ATP8A2: variants seen among roughly 807,000 people sequenced by gnomAD.
ATP8A2 encodes the protein ATPase phospholipid transporting 8A2.
ATP8A2 carries 100 observed loss-of-function variants against 165.6 expected under a neutral mutation model. The observed-to-expected ratio is 0.60, with a 90% CI of 0.51 to 0.71. The LOEUF is 0.71. Among genes scored for constraint, ATP8A2 ranks in the 30% least tolerant of loss-of-function variants. The probability of loss-of-function intolerance (pLI) is 0.00; values close to 1 mark genes in which losing one functional copy is unlikely to be tolerated. For missense variants in ATP8A2, 1,227 were observed against 1,479.5 expected, an observed-to-expected ratio of 0.83 and a Z score of 2.80; for synonymous variants, 543 against 548.8, an observed-to-expected ratio of 0.99 and a Z score of 0.15.
At chr13:26,012,909 C>T (rs991777066) in intron 36 of ATP8A2, among the ~76,000 whole-genome samples, 3 of 152,158 alleles carry the variant, frequency 2.0e-5, no homozygotes, top group African/African-American at 7.2e-5. Context: ...AAGGTTGAAG[C>T]AGTATGACTT....
intron 24 of ATP8A2, among the ~76,000 whole-genome samples, chr13:25,682,864 A>C (rs2137815395): frequency 6.6e-6 from 1 of 152,288 alleles, no homozygotes; most frequent in South Asian, 2.1e-4. Flanking sequence ...CTGCAGTATA[A>C]GCCAGTTCCC....
chr13:25,869,081 A>C (rs915995910), intron 33 of ATP8A2, among the ~76,000 whole-genome samples: 2 of 151,882 alleles, frequency 1.3e-5, no homozygotes, highest in East Asian at 3.9e-4. Context: ...AAAAAAAAAA[A>C]AAAAAAAAAA....
rs146317669 is a variant in ATP8A2 at position 25,783,957 on chromosome 13, G to C, written c.2679+8998G>C. Among the ~76,000 whole-genome samples, 77 of 152,270 alleles carry C rather than the reference G, an allele frequency of 5.1e-4. 1 individual carries two copies. The highest frequency in any genetic ancestry group is 1.6e-3 in the African/African-American group (67 of 41,552). ...GAGTTTATTGGCAAAAGGTGGAGAG[G>C]GGGTGAGAGGACAGGGAAGAGGTAG... On this transcript the variant is annotated intron_variant, in intron 27 of 36. Coordinates refer to ENST00000381655, the MANE Select transcript of ATP8A2 (RefSeq NM_016529.6).
chr13:25,375,680 C>T (rs1387456198), intron 1 of ATP8A2, among the ~76,000 whole-genome samples: 3 of 151,770 alleles, frequency 2.0e-5, no homozygotes, highest in Non-Finnish European at 4.4e-5. Flanking sequence ...TCAAGCAATT[C>T]TGCTGCCTCA....
chr13:25,938,518 C>G (rs543539932), intron 33 of ATP8A2, among the ~76,000 whole-genome samples: 1 of 152,192 alleles, frequency 6.6e-6, no homozygotes, highest in Non-Finnish European at 1.5e-5. Context: ...GTGGTGTTAA[C>G]TTTCATGCCT....
At chr13:25,678,643 A>G (rs1321792561) in intron 24 of ATP8A2, among the ~76,000 whole-genome samples, 1 of 152,196 alleles carries the variant, frequency 6.6e-6, no homozygotes, top group African/African-American at 2.4e-5. Context: ...CGTGTTATGC[A>G]GCAGAGACCT....
At chr13:25,759,326 G>A (rs7988459) in intron 25 of ATP8A2, among the ~76,000 whole-genome samples, 15,445 of 152,148 alleles carry the variant, frequency 0.1, 1,154 homozygotes, top group East Asian at 0.39. Flanking sequence ...AAGCATCTCC[G>A]TTGTCATTAA....
chr13:25,503,112 T>C (rs1001298325), intron 2 of ATP8A2, among the ~76,000 whole-genome samples: 3 of 152,050 alleles, frequency 2.0e-5, no homozygotes, highest in Admixed American at 6.6e-5. Context: ...CTCTCTGATA[T>C]TGGGTCTAGA....
intron 35 of ATP8A2, among the ~76,000 whole-genome samples, chr13:26,007,976 A>C (rs1223038662): frequency 6.6e-6 from 1 of 152,192 alleles, no homozygotes; most frequent in Non-Finnish European, 1.5e-5. Context: ...GTGCCCAGGG[A>C]AATAGATGAA....
At chr13:25,735,466 G>A (rs959795698) in intron 25 of ATP8A2, among the ~76,000 whole-genome samples, 1 of 151,972 alleles carries the variant, frequency 6.6e-6, no homozygotes, top group Non-Finnish European at 1.5e-5. Flanking sequence ...TCACCATGTT[G>A]CCCAGACTGG....
In ATP8A2 at chr13:25,886,272, G is replaced by A. The variant is rs145156487; in HGVS notation, c.3183+23864G>A. Among the ~76,000 whole-genome samples the A allele has an allele frequency of 4.6e-3, 701 of 152,332 alleles. 1 individual carries two copies. The highest frequency in any genetic ancestry group is 7.5e-3 in the Non-Finnish European group (509 of 68,030). The stretch of plus-strand genomic sequence containing the variant: ...CCAAAAGAAAAGTTGGAATGTCGGG[G>A]TGGTGATGGTGGAATAGCGTATTTG... On this transcript the variant is annotated intron_variant, in intron 33 of 36. Coordinates refer to ENST00000381655, the MANE Select transcript of ATP8A2 (RefSeq NM_016529.6).
intron 33 of ATP8A2, among the ~76,000 whole-genome samples, chr13:25,931,877 G>A (rs1050417316): frequency 2.6e-5 from 4 of 151,816 alleles, no homozygotes; most frequent in Admixed American, 6.6e-5. Flanking sequence ...AGAAACCCCC[G>A]TCTCTACTAA....
chr13:25,820,869 G>T (rs1427351437), intron 27 of ATP8A2, among the ~76,000 whole-genome samples: 1 of 152,006 alleles, frequency 6.6e-6, no homozygotes, highest in East Asian at 1.9e-4. Flanking sequence ...GCGTTTCAAT[G>T]TAAGGGAAAA....
At chr13:25,995,089 A>G (rs973315451) in intron 35 of ATP8A2, among the ~76,000 whole-genome samples, 5 of 152,018 alleles carry the variant, frequency 3.3e-5, no homozygotes, top group Non-Finnish European at 7.4e-5. Flanking sequence ...GGTCCATTTC[A>G]TCTGGTTTGT....
In ATP8A2 at chr13:25,769,091, G is replaced by C; in HGVS notation, c.2430G>C (p.Lys810Asn). The change falls in exon 26 of 37, where the codon AAG (lysine) becomes AAC (asparagine). Residue 810 changes from lysine (K) to asparagine (N), a missense_variant. This residue lies in a region of ATP8A2 where 592 missense variants were observed against 785.6 expected (regional missense o/e 0.75). Transcript: ENST00000381655. Reference sequence around the variant, plus strand: ...CTGAGATAGTGGATGTGGTGAAGAAGCGGGTGAAGGCCATCACCCTCGCCA... The same window carrying C: ...CTGAGATAGTGGATGTGGTGAAGAACCGGGTGAAGGCCATCACCCTCGCCA... Reference protein sequence around the residue: ...QKSEIVDVVKKRVKAITLAIG... With the variant: ...QKSEIVDVVKNRVKAITLAIG... 6.2e-7 allele frequency: 1 copy of C among 1,614,214 alleles called. No individual in the cohort carries two copies. The highest frequency in any genetic ancestry group is 1.7e-5 in the Admixed American group (1 of 60,032).
intron 35 of ATP8A2, among the ~76,000 whole-genome samples, chr13:25,981,312 A>C (rs1443551974): frequency 6.6e-6 from 1 of 152,232 alleles, no homozygotes; most frequent in African/African-American, 2.4e-5. Flanking sequence ...ATCATGTGAT[A>C]ATTGATCTCT....
intron 25 of ATP8A2, among the ~76,000 whole-genome samples, chr13:25,749,490 G>C (rs561038668): frequency 6.6e-6 from 1 of 152,124 alleles, no homozygotes; most frequent in South Asian, 2.1e-4. Flanking sequence ...AGAGCAGTGG[G>C]AATGTGGGTG....
rs562399607 is a variant in ATP8A2, at chr13:25,811,526, A to G, written c.2680-16592A>G. Among the ~76,000 whole-genome samples, 22 of 152,224 alleles carry G rather than the reference A, an allele frequency of 1.4e-4. No homozygotes were observed. The East Asian group carries it at 1.9e-3, about 13-fold the overall frequency. The stretch of plus-strand genomic sequence containing the variant: ...CTTGCCCCGGTTGTACTTCTCTTCT[A>G]TTCATAAACCCTAAAGAAAAGCTCT... On this transcript the variant is annotated intron_variant, in intron 27 of 36. Coordinates refer to ENST00000381655, the MANE Select transcript of ATP8A2 (RefSeq NM_016529.6).
intron 24 of ATP8A2, among the ~76,000 whole-genome samples, chr13:25,651,851 T>C (rs1476361339): frequency 6.6e-6 from 1 of 152,204 alleles, no homozygotes; most frequent in Non-Finnish European, 1.5e-5. Context: ...TAATTATCTC[T>C]GTTTTTCTTT....
Sources: gnomAD v4.1 joint callset for allele counts (sites outside exome capture counted in the v4.1 genomes callset) on GRCh38, gnomAD v4.1.1 for gene constraint, gnomAD v4.1.1 regional missense constraint, MANE v1.5 for transcripts, NCBI Gene and HGNC (gene_info 2026-07-23, HGNC 2026-07-21) for gene names.